PRR9: variants seen among roughly 807,000 people sequenced by gnomAD.
PRR9 encodes the protein proline rich 9.
Under a neutral mutation model 2.6 loss-of-function variants are expected in PRR9, and 3 were observed. The observed-to-expected ratio is 1.15, with a 90% CI of 0.53 to 2.98. The LOEUF (loss-of-function observed/expected upper bound fraction) is 2.98, where lower values mean the gene tolerates loss of function less well. Among genes scored for constraint, PRR9 ranks in the 30% most tolerant of loss-of-function variants. The pLI, the probability that PRR9 is intolerant of heterozygous loss-of-function variation, is 0.03. For missense variants in PRR9, 141 were observed against 132.0 expected (o/e 1.07, Z -0.33); for synonymous variants, 48 against 50.4 (o/e 0.95, Z 0.20).
rs1657975575 is a variant in PRR9 at position 153,218,598 on chromosome 1, T to C, written c.*103T>C. ...CTTCTGTGGGTACCTCTGTGTGCAA[T>C]GTACCTTCTTGCCTCCTGGCTTCCT... On this transcript the variant is annotated 3_prime_UTR_variant, in exon 2 of 2. Transcript: ENST00000368744. 1.3e-6 allele frequency: 1 copy of C among 767,248 alleles called. No individual in the cohort carries two copies. The highest frequency in any genetic ancestry group is 2.1e-6 in the Non-Finnish European group (1 of 472,646). The allele number at this position is 767,248 out of a possible 1,614,324, so 47.5% of individuals were successfully genotyped here. A position where few individuals can be genotyped will look rare whatever the true frequency, so the allele number is the denominator to read the frequency against.
In PRR9 at chr1:153,218,373, T is replaced by C; in HGVS notation, c.229T>C (p.Cys77Arg). ...QQGQEPYLPP[C>R]QDQCPPQCAE... ...AGGCCAAGAGCCATACCTACCTCCA[T>C]GCCAAGACCAGTGTCCACCTCAGTG... Residue 77 changes from cysteine (C) to arginine (R), a missense_variant, in exon 2 of 2, where the codon TGC (cysteine) becomes CGC (arginine). Coordinates refer to ENST00000368744, the MANE Select transcript of PRR9 (RefSeq NM_001195571.2). 1 of 1,550,656 alleles carries C rather than the reference T, an allele frequency of 6.4e-7. No individual in the cohort carries two copies. The highest frequency in any genetic ancestry group is 8.7e-7 in the Non-Finnish European group (1 of 1,147,000).
At position 153,218,114 on chromosome 1, in the gene PRR9, G is replaced by T; in HGVS notation, c.-20-11G>T. ...TAATACAGATAATTTCGAATCTTGT[G>T]TTTTTTTCAGGCTCTGCAAATCACC... On this transcript the variant is annotated splice_polypyrimidine_tract_variant and intron_variant, in intron 1 of 1. Transcript: ENST00000368744. 2.7e-6 allele frequency: 4 copies of T among 1,469,650 alleles called. No homozygotes were observed. The highest frequency in any genetic ancestry group is 3.6e-6 in the Non-Finnish European group (4 of 1,098,412). 91.0% of individuals were successfully genotyped at this position (1,469,650 alleles called of 1,614,324 possible).
Position 153,218,488 on chromosome 1 carries a change from G to T in PRR9, c.344G>T (p.Gly115Val). 6.5e-7 allele frequency: 1 copy of T among 1,548,938 alleles called. No individual in the cohort carries two copies. The highest frequency in any genetic ancestry group is 1.2e-5 in the South Asian group (1 of 83,900). ...VQEKCSSPGK[G>V]K ...GAGAAGTGCTCATCCCCTGGCAAGG[G>T]AAAGTAGCTGCTCATATGTCATCTG... Residue 115 changes from glycine to valine, a missense_variant, in exon 2 of 2, where the codon GGA becomes GTA. By Grantham distance (109) the Gly-to-Val change is moderately radical. Coordinates refer to ENST00000368744, the MANE Select transcript of PRR9 (RefSeq NM_001195571.2).
chr1:153,218,148 T>C lies in PRR9; in HGVS notation c.4T>C (p.Ser2Pro). The change falls in exon 2 of 2, where the codon TCC becomes CCC. Residue 2 changes from serine (S) to proline (P), a missense_variant. Ser to Pro is a moderately conservative substitution (Grantham distance 74). Coordinates refer to ENST00000368744, the MANE Select transcript of PRR9 (RefSeq NM_001195571.2). Reference protein sequence around the residue: MSFSEQQCKQPC... With the variant: MPFSEQQCKQPC... ...AGGCTCTGCAAATCACCCTAGGATG[T>C]CCTTCAGTGAGCAGCAGTGCAAGCA... The C allele has an allele frequency of 1.3e-6, 2 of 1,541,976 alleles. No individual in the cohort carries two copies. The highest frequency in any genetic ancestry group is 1.8e-6 in the Non-Finnish European group (2 of 1,142,102).
At chr1:153,217,901 G>A (rs560135473) in intron 1 of PRR9, among the ~76,000 whole-genome samples, 3 of 152,328 alleles carry the variant, frequency 2.0e-5, no homozygotes, top group African/African-American at 7.2e-5. Context: ...CAGAGGCCAG[G>A]AGAACACTCC....
chr1:153,217,766 T>A (rs1316001363), intron 1 of PRR9, 147 bp downstream of exon 1: 1 of 222,942 alleles, frequency 4.5e-6, no homozygotes, highest in African/African-American at 2.3e-5. Flanking sequence ...GTATATTCTA[T>A]CCAGACTAGA....
rs1187971848 is a variant in PRR9, at chr1:153,218,452, A to G, written c.308A>G (p.Gln103Arg). ...FQTKCVEVCP[Q>R]KVQEKCSSPG... is the part of the protein sequence containing the mutation. ...ACAAAATGTGTGGAGGTTTGCCCAC[A>G]GAAAGTCCAGGAGAAGTGCTCATCC... Residue 103 changes from glutamine (Q) to arginine (R), a missense_variant, in exon 2 of 2, where the codon CAG becomes CGG. Coordinates refer to ENST00000368744, the MANE Select transcript of PRR9 (RefSeq NM_001195571.2). 9.7e-6 allele frequency: 15 copies of G among 1,550,634 alleles called. No homozygotes were observed. In the South Asian group the frequency reaches 1.8e-4, roughly 18 times the overall value.
Position 153,218,162 on chromosome 1 carries a change from G to A in PRR9, c.18G>A (p.Gln6=), listed in dbSNP as rs758841942. The stretch of plus-strand genomic sequence containing the variant: ...ACCCTAGGATGTCCTTCAGTGAGCA[G>A]CAGTGCAAGCAGCCATGTGTGCCCC... MSFSE[Q]QCKQPCVPPP... Residue 6 remains glutamine (Q), a synonymous_variant, in exon 2 of 2, where the codon CAG becomes CAA. Coordinates refer to ENST00000368744, the MANE Select transcript of PRR9 (RefSeq NM_001195571.2). The A allele has an allele frequency of 6.5e-7, 1 of 1,548,032 alleles. No individual in the cohort carries two copies. Among genetic ancestry groups the A allele is most frequent in the Non-Finnish European group, 8.7e-7 (1 of 1,145,460 alleles).
Position 153,218,909 on chromosome 1 carries a change from C to T in PRR9, c.*414C>T, listed in dbSNP as rs983815454. On this transcript the variant is annotated 3_prime_UTR_variant, in exon 2 of 2. Coordinates refer to ENST00000368744, the MANE Select transcript of PRR9 (RefSeq NM_001195571.2). ...ATTCTGATGGACTTTCCACTTATCA[C>T]CACCACCACCACCTCCACCACCACC... is the stretch of plus-strand genomic sequence containing the variant. The T allele has an allele frequency of 7.3e-5, 13 of 177,636 alleles. No homozygotes were observed. Among genetic ancestry groups the T allele is most frequent in the African/African-American group, 3.1e-4 (13 of 41,600 alleles). 11.0% of individuals were successfully genotyped at this position (177,636 alleles called of 1,614,324 possible). A position where few individuals can be genotyped will look rare whatever the true frequency, so the allele number is the denominator to read the frequency against.
rs926893321 is a variant in PRR9 at position 153,218,113 on chromosome 1, T to TG, written c.-20-11dup. 5.1e-6 allele frequency: 7 copies of TG among 1,361,538 alleles called. No individual in the cohort carries two copies. The African/African-American group carries it at 1.0e-4, about 20-fold the overall frequency. 84.3% of individuals were successfully genotyped at this position (1,361,538 alleles called of 1,614,324 possible). On this transcript the variant is annotated splice_polypyrimidine_tract_variant and intron_variant, in intron 1 of 1. Transcript: ENST00000368744. Reference sequence around the variant, plus strand: ...TTAATACAGATAATTTCGAATCTTGTGTTTTTTTCAGGCTCTGCAAATCAC... The same window carrying TG: ...TTAATACAGATAATTTCGAATCTTGTGGTTTTTTTCAGGCTCTGCAAATCAC...
chr1:153,218,397 T>A lies in PRR9; in HGVS notation c.253T>A (p.Cys85Ser). Residue 85 changes from cysteine to serine, a missense_variant, in exon 2 of 2, where the codon TGT becomes AGT. Transcript: ENST00000368744. ...PPCQDQCPPQ[C>S]AEPCQELFQT... ...ATGCCAAGACCAGTGTCCACCTCAGTGTGCAGAGCCATGCCAGGAGCTATT... is the reference window on the plus strand; with the variant it reads ...ATGCCAAGACCAGTGTCCACCTCAGAGTGCAGAGCCATGCCAGGAGCTATT... The A allele has an allele frequency of 1.3e-6, 2 of 1,550,616 alleles. No homozygotes were observed. The highest frequency in any genetic ancestry group is 1.7e-6 in the Non-Finnish European group (2 of 1,147,000).
Position 153,218,510 on chromosome 1 carries a change from T to A in PRR9, c.*15T>A, listed in dbSNP as rs1275326177. On this transcript the variant is annotated 3_prime_UTR_variant, in exon 2 of 2. Transcript: ENST00000368744. ...AGGGAAAGTAGCTGCTCATATGTCA[T>A]CTGGGTTCAAGAAGATGGCCAGCAG... 2.6e-6 allele frequency: 4 copies of A among 1,535,184 alleles called. No individual in the cohort carries two copies. Among genetic ancestry groups the A allele is most frequent in the Non-Finnish European group, 3.5e-6 (4 of 1,135,994 alleles).
intron 1 of PRR9, 58 bp from the exon 2 acceptor site, chr1:153,218,067 C>T (rs2101684286): frequency 3.5e-6 from 4 of 1,144,926 alleles, no homozygotes; most frequent in Non-Finnish European, 4.9e-6. Context: ...CCTTCATTCC[C>T]CAGTTCCCAT....
Sources: gnomAD v4.1 joint callset for allele counts (sites outside exome capture counted in the v4.1 genomes callset) on GRCh38, gnomAD v4.1.1 for gene constraint, MANE v1.5 for transcripts, NCBI Gene and HGNC (gene_info 2026-07-23, HGNC 2026-07-21) for gene names.